Variants in TDRD3 observed in about 807,000 individuals in gnomAD.
TDRD3 encodes the protein tudor domain containing 3, also known as tudor domain-containing protein 3.
TDRD3 carries 45 observed loss-of-function variants against 86.7 expected under a neutral mutation model. That is an observed-to-expected ratio of 0.52 (90% CI 0.41 to 0.67). The LOEUF (loss-of-function observed/expected upper bound fraction) is 0.67. TDRD3 is among the 30% of genes least tolerant of loss of function. The probability of loss-of-function intolerance (pLI) is 0.00; values close to 1 mark genes in which losing one functional copy is unlikely to be tolerated. For synonymous variants in TDRD3, 298 were observed against 301.7 expected (o/e 0.99, Z 0.13); for missense variants, 814 against 889.0 (o/e 0.92, Z 1.07).
intron 1 of TDRD3, among the ~76,000 whole-genome samples, chr13:60,434,857 G>A (rs1046501722): frequency 5.3e-5 from 8 of 152,266 alleles, no homozygotes; most frequent in Admixed American, 5.2e-4. Context: ...GGTGTGCACA[G>A]GGACCGTAAC....
intron 3 of TDRD3, among the ~76,000 whole-genome samples, chr13:60,445,880 C>G (rs547713358): frequency 6.6e-6 from 1 of 152,112 alleles, no homozygotes; most frequent in South Asian, 2.1e-4. Context: ...ATGCTGAGAA[C>G]TCACCTCTGC....
In TDRD3 at chr13:60,494,563, C is replaced by T; in HGVS notation, c.846C>T (p.Val282=). 2 of 1,613,348 alleles carry T rather than the reference C, an allele frequency of 1.2e-6. No individual in the cohort carries two copies. Among genetic ancestry groups the T allele is most frequent in the Non-Finnish European group, 1.7e-6 (2 of 1,179,646 alleles). ...AATCAGAGGGAAAACATGAAGGTGT[C>T]TATAGAGAACTGGTAAGGCTAAAGA... is the stretch of plus-strand genomic sequence containing the variant. ...STKSEGKHEG[V]YRELVDEKAL... The change falls in exon 8 of 14, where the codon GTC becomes GTT. Residue 282 remains valine (V), a synonymous_variant. Transcript: ENST00000377881.
At chr13:60,479,628 A>G (rs1200758090) in intron 5 of TDRD3, among the ~76,000 whole-genome samples, 1 of 152,156 alleles carries the variant, frequency 6.6e-6, no homozygotes, top group African/African-American at 2.4e-5. Context: ...GTGTTTGTCT[A>G]AGTCTTTTCA....
chr13:60,398,001 A>T (rs1183407637), intron 1 of TDRD3, among the ~76,000 whole-genome samples: 1 of 152,204 alleles, frequency 6.6e-6, no homozygotes, highest in Non-Finnish European at 1.5e-5. Flanking sequence ...GCTAAGAATG[A>T]CCGCAATGTC....
chr13:60,422,795 TGGAATAATATTCAAGTCAAGGAA>T (rs1391964444), intron 1 of TDRD3, among the ~76,000 whole-genome samples: 4 of 152,140 alleles, frequency 2.6e-5, no homozygotes, highest in African/African-American at 9.6e-5. Flanking sequence ...ATTATTCCTT[TGGAATAATATTCAAGTCAAGGAA>T]GGAATAATAT....
chr13:60,400,763 A>C (rs1195811319), intron 1 of TDRD3, among the ~76,000 whole-genome samples: 3 of 151,576 alleles, frequency 2.0e-5, no homozygotes, highest in African/African-American at 4.8e-5. Flanking sequence ...AGTGTCTTCC[A>C]TGGAATTAAT....
intron 5 of TDRD3, among the ~76,000 whole-genome samples, chr13:60,480,493 C>T (rs1956285771): frequency 1.3e-5 from 2 of 152,090 alleles, no homozygotes; most frequent in Non-Finnish European, 2.9e-5. Flanking sequence ...CATAGTATGT[C>T]ACAGAGGTTC....
intron 12 of TDRD3, among the ~76,000 whole-genome samples, chr13:60,540,216 T>C (rs1957780422): frequency 6.6e-6 from 1 of 152,190 alleles, no homozygotes; most frequent in Non-Finnish European, 1.5e-5. Context: ...AGTGCTCATT[T>C]TCTTTTGCAA....
intron 12 of TDRD3, among the ~76,000 whole-genome samples, chr13:60,553,886 A>T (rs1958124945): frequency 6.6e-6 from 1 of 152,226 alleles, no homozygotes; most frequent in African/African-American, 2.4e-5. Context: ...ATGAGGTTTT[A>T]TATTAGAAAT....
At chr13:60,440,157 G>A (rs986742679) in intron 2 of TDRD3, among the ~76,000 whole-genome samples, 3 of 151,866 alleles carry the variant, frequency 2.0e-5, no homozygotes, top group Admixed American at 2.0e-4. Context: ...GGTATTTATT[G>A]TTTCAAAATA....
intron 12 of TDRD3, among the ~76,000 whole-genome samples, chr13:60,540,350 G>A (rs1957782954): frequency 6.6e-6 from 1 of 152,104 alleles, no homozygotes; most frequent in South Asian, 2.1e-4. Flanking sequence ...CTTTCTTTTA[G>A]TAAAGTTTGG....
At chr13:60,398,144 C>T (rs978947178) in intron 1 of TDRD3, among the ~76,000 whole-genome samples, 9 of 152,202 alleles carry the variant, frequency 5.9e-5, no homozygotes, top group African/African-American at 2.2e-4. Flanking sequence ...TCTGGAATTG[C>T]GGCCATTACG....
intron 8 of TDRD3, among the ~76,000 whole-genome samples, chr13:60,501,002 T>G (rs1448503984): frequency 6.6e-6 from 1 of 152,162 alleles, no homozygotes; most frequent in East Asian, 1.9e-4. Context: ...AACATGGAAC[T>G]CCACTCACCA....
intron 1 of TDRD3, among the ~76,000 whole-genome samples, chr13:60,423,889 AAAAG>A (rs1954727541): frequency 1.3e-5 from 2 of 152,350 alleles, no homozygotes; most frequent in African/African-American, 4.8e-5. Context: ...AAGGTAAGTC[AAAAG>A]AAAGGAAGAA....
intron 10 of TDRD3, 64 bp downstream of exon 10, chr13:60,510,819 G>A (rs1446769777): frequency 4.0e-5 from 48 of 1,196,264 alleles, no homozygotes; most frequent in Non-Finnish European, 5.0e-5. Context: ...TTTTTTTTTA[G>A]CGTATTTCTT....
chr13:60,514,790 G>A (rs1271570174), intron 10 of TDRD3, among the ~76,000 whole-genome samples: 2 of 152,188 alleles, frequency 1.3e-5, no homozygotes, highest in African/African-American at 2.4e-5. Context: ...GGCATTAAAG[G>A]GTTTTTGGCA....
chr13:60,517,236 A>G (rs1247663119), intron 10 of TDRD3, among the ~76,000 whole-genome samples: 1 of 150,812 alleles, frequency 6.6e-6, no homozygotes, highest in East Asian at 1.9e-4. Flanking sequence ...TGCCTTGTAG[A>G]TTTACTGCTT....
chr13:60,516,340 T>C (rs984696358), intron 10 of TDRD3, among the ~76,000 whole-genome samples: 5 of 152,246 alleles, frequency 3.3e-5, no homozygotes, highest in African/African-American at 1.2e-4. Context: ...TTTAAAAGTT[T>C]CATTAGAAAT....
intron 1 of TDRD3, among the ~76,000 whole-genome samples, chr13:60,419,741 T>G (rs1301156515): frequency 6.6e-6 from 1 of 151,862 alleles, no homozygotes. Context: ...ATGGCACATG[T>G]ATACCTATGT....
Sources: gnomAD v4.1 joint callset for allele counts (sites outside exome capture counted in the v4.1 genomes callset) on GRCh38, gnomAD v4.1.1 for gene constraint, MANE v1.5 for transcripts, NCBI Gene and HGNC (gene_info 2026-07-23, HGNC 2026-07-21) for gene names.